The following MTARC2 variants were observed in gnomAD, a reference collection of about 807,000 sequenced individuals.
MTARC2 encodes the protein mitochondrial amidoxime reducing component 2.
MTARC2 carries 27 observed loss-of-function variants against 35.6 expected under a neutral mutation model. That is an observed-to-expected ratio of 0.76 (90% confidence interval 0.56 to 1.04). MTARC2 has a LOEUF of 1.04. Among genes scored for constraint, MTARC2 ranks in the 50% least tolerant of loss-of-function variants. The pLI is 0.00. For missense variants in MTARC2, 412 were observed against 432.5 expected, an observed-to-expected ratio of 0.95 and a Z score of 0.42; for synonymous variants, 158 against 167.1, an observed-to-expected ratio of 0.95 and a Z score of 0.42.
intron 4 of MTARC2, among the ~76,000 whole-genome samples, chr1:220,768,124 C>G (rs1436018090): frequency 6.6e-6 from 1 of 152,204 alleles, no homozygotes; most frequent in Non-Finnish European, 1.5e-5. Context: ...GTGCCAAACC[C>G]TTTACATGCA....
At chr1:220,783,069 T>C (rs1044247843) in intron 7 of MTARC2, among the ~76,000 whole-genome samples, 2 of 152,242 alleles carry the variant, frequency 1.3e-5, no homozygotes, top group African/African-American at 4.8e-5. Context: ...TACACTTCTA[T>C]TGATGACTGT....
chr1:220,781,509 A>C (rs144415000), intron 6 of MTARC2, among the ~76,000 whole-genome samples: 377 of 152,358 alleles, frequency 2.5e-3, no homozygotes, highest in Middle Eastern at 6.8e-3. Flanking sequence ...ATATAGACAA[A>C]GTATTTATTT....
intron 4 of MTARC2, among the ~76,000 whole-genome samples, chr1:220,778,231 GA>G (rs1352980325): frequency 8.2e-6 from 1 of 122,300 alleles, no homozygotes; most frequent in Non-Finnish European, 1.6e-5. Context: ...TTGGGCAACA[GA>G]GTGAGACTCT....
At chr1:220,774,561 G>C (rs539713441) in intron 4 of MTARC2, among the ~76,000 whole-genome samples, 8 of 152,198 alleles carry the variant, frequency 5.3e-5, no homozygotes, top group Non-Finnish European at 1.2e-4. Flanking sequence ...TGAGGCGCCA[G>C]TCCTGCGACA....
chr1:220,772,515 G>A (rs1221860662), intron 4 of MTARC2, among the ~76,000 whole-genome samples: 1 of 152,140 alleles, frequency 6.6e-6, no homozygotes, highest in Non-Finnish European at 1.5e-5. Flanking sequence ...GGGTTTCCTA[G>A]TGCTAGTCTC....
chr1:220,784,180 G>T lies in MTARC2; in HGVS notation c.*293G>T. ...AAATGCTATTTTGAATGTTATCATG[G>T]CTATTACACTTTTACTTCCTGACTT... is the stretch of plus-strand genomic sequence containing the variant. On this transcript the variant is annotated 3_prime_UTR_variant, in exon 8 of 8. Transcript: ENST00000366913. 2.3e-6 allele frequency: 1 copy of T among 435,860 alleles called. No homozygotes were observed. The highest frequency in any genetic ancestry group is 3.5e-5 in the East Asian group (1 of 28,376). The allele number at this position is 435,860 out of a possible 1,614,324, so 27.0% of individuals were successfully genotyped here.
intron 6 of MTARC2, among the ~76,000 whole-genome samples, chr1:220,781,187 T>A (rs1672061920): frequency 6.6e-6 from 1 of 152,184 alleles, no homozygotes; most frequent in African/African-American, 2.4e-5. Flanking sequence ...GACTTCAGAT[T>A]TACAATTCTA....
intron 4 of MTARC2, among the ~76,000 whole-genome samples, chr1:220,768,910 T>A (rs337151): frequency 6.6e-6 from 1 of 152,096 alleles, no homozygotes; most frequent in Admixed American, 6.5e-5. Context: ...CATGTCCTCA[T>A]CTGGGGAGCT....
chr1:220,780,292 T>TACC, intron 6 of MTARC2, 53 bp downstream of exon 6: 1 of 1,491,216 alleles, frequency 6.7e-7, no homozygotes, highest in Non-Finnish European at 9.2e-7. Flanking sequence ...ACCCCAGAAC[T>TACC]ACCTATGGGT....
At chr1:220,754,547 G>T in intron 1 of MTARC2, 1 of 408,258 alleles carries the variant, frequency 2.4e-6, no homozygotes, top group South Asian at 1.8e-5. Context: ...TACAACAAAA[G>T]GACCTGAAAG....
chr1:220,760,342 G>A (rs1671406758), intron 2 of MTARC2, among the ~76,000 whole-genome samples: 1 of 152,186 alleles, frequency 6.6e-6, no homozygotes, highest in Non-Finnish European at 1.5e-5. Flanking sequence ...CAGTGAAATT[G>A]TTGCTGATAA....
At chr1:220,759,725 C>T (rs1003922894) in intron 2 of MTARC2, among the ~76,000 whole-genome samples, 2 of 151,970 alleles carry the variant, frequency 1.3e-5, no homozygotes, top group Non-Finnish European at 2.9e-5. Context: ...AGGCAGAAGG[C>T]CAGGAGAGGA....
intron 4 of MTARC2, among the ~76,000 whole-genome samples, chr1:220,765,454 C>T (rs933447097): frequency 2.6e-5 from 4 of 152,206 alleles, no homozygotes; most frequent in Admixed American, 2.6e-4. Flanking sequence ...TAAATATCTG[C>T]CGAATGCCTG....
At chr1:220,783,888 A>T (rs1672146907) in intron 7 of MTARC2, 31 bp from the exon 8 acceptor site, 1 of 717,270 alleles carries the variant, frequency 1.4e-6, no homozygotes, top group Non-Finnish European at 2.6e-6. Context: ...ATAAACAACC[A>T]AATAACCAGA....
At chr1:220,782,129 C>T (rs1335173586) in intron 7 of MTARC2, among the ~76,000 whole-genome samples, 197 bp downstream of exon 7, 1 of 152,208 alleles carries the variant, frequency 6.6e-6, no homozygotes, top group African/African-American at 2.4e-5. Context: ...GCCTTCTCCA[C>T]CCCTATTTCC....
chr1:220,750,340 T>A lies in MTARC2; in HGVS notation c.272+1537T>A, dbSNP rs79454444. ...GAGAAAATTAGTGTTGCAGGCTAGG[T>A]TGCACTACTTCCTTCCTCGCTTGAA... On this transcript the variant is annotated intron_variant, in intron 1 of 7. Coordinates refer to ENST00000366913, the MANE Select transcript of MTARC2 (RefSeq NM_017898.5). 2.8e-3 allele frequency among the ~76,000 whole-genome samples: 429 copies of A among 152,280 alleles called. 12 individuals are homozygous for A. In the East Asian group the frequency reaches 0.062, roughly 22 times the overall value.
chr1:220,776,494 AT>A (rs998447529), intron 4 of MTARC2, among the ~76,000 whole-genome samples: 22 of 151,932 alleles, frequency 1.4e-4, no homozygotes, highest in African/African-American at 4.6e-4. Context: ...TTAGCATAGT[AT>A]TTTTTTTACT....
intron 4 of MTARC2, 21 bp from the exon 5 acceptor site, chr1:220,779,997 T>C: frequency 6.6e-7 from 1 of 1,516,344 alleles, no homozygotes; most frequent in Non-Finnish European, 8.8e-7. Context: ...ATTTAAAAGA[T>C]AACTTTCTCT....
chr1:220,754,843 A>G (rs1485892095), intron 1 of MTARC2, 104 bp from the exon 2 acceptor site: 8 of 1,102,772 alleles, frequency 7.3e-6, no homozygotes, highest in Non-Finnish European at 1.0e-5. Context: ...GTTAGGTCCC[A>G]AGACGGGGTG....
Sources: gnomAD v4.1 joint callset for allele counts (sites outside exome capture counted in the v4.1 genomes callset) on GRCh38, gnomAD v4.1.1 for gene constraint, MANE v1.5 for transcripts, NCBI Gene and HGNC (gene_info 2026-07-23, HGNC 2026-07-21) for gene names.